The following LDAH variants were observed in gnomAD, a reference collection of about 807,000 sequenced individuals.
The protein encoded by LDAH is lipid droplet associated hydrolase.
LDAH carries 26 observed loss-of-function variants against 29.6 expected under a neutral mutation model. The observed-to-expected ratio is 0.88, with a 90% confidence interval of 0.64 to 1.22. The LOEUF (loss-of-function observed/expected upper bound fraction) is 1.22. LDAH is among the 50% of genes most tolerant of loss of function. The probability of loss-of-function intolerance (pLI) is 0.00; values close to 1 mark genes in which losing one functional copy is unlikely to be tolerated. For missense variants in LDAH, 344 were observed against 387.3 expected, an observed-to-expected ratio of 0.89 and a Z score of 0.94; for synonymous variants, 117 against 133.0, an observed-to-expected ratio of 0.88 and a Z score of 0.83.
At chr2:20,761,401 A>G (rs1668679641) in intron 4 of LDAH, among the ~76,000 whole-genome samples, 8 of 152,070 alleles carry the variant, frequency 5.3e-5, no homozygotes, top group Admixed American at 5.2e-4. Context: ...AAAAAATTAC[A>G]CTTAAGCTAC....
chr2:20,817,675 A>T (rs970552475), intron 1 of LDAH, among the ~76,000 whole-genome samples: 1 of 152,140 alleles, frequency 6.6e-6, no homozygotes. Context: ...TTTATCCCAG[A>T]GGGGGAAAAA....
chr2:20,816,814 C>T (rs1407806197), intron 1 of LDAH, among the ~76,000 whole-genome samples: 1 of 151,546 alleles, frequency 6.6e-6, no homozygotes, highest in South Asian at 2.1e-4. Context: ...CAAGATACAC[C>T]ATACCCTCAG....
At chr2:20,726,558 A>C (rs895863828) in intron 5 of LDAH, among the ~76,000 whole-genome samples, 1 of 152,222 alleles carries the variant, frequency 6.6e-6, no homozygotes, top group South Asian at 2.1e-4. Flanking sequence ...CCTTCTTCCA[A>C]GGGAAAATTC....
At chr2:20,799,857 G>A (rs78505832) in intron 2 of LDAH, among the ~76,000 whole-genome samples, 2,428 of 152,050 alleles carry the variant, frequency 0.016, 31 homozygotes, top group Non-Finnish European at 0.025. Flanking sequence ...GAATAAAAAT[G>A]AACAAGTTCC....
chr2:20,752,750 A>C (rs1264446033), intron 4 of LDAH, among the ~76,000 whole-genome samples: 1 of 152,242 alleles, frequency 6.6e-6, no homozygotes, highest in East Asian at 1.9e-4. Flanking sequence ...CACTGGGCTG[A>C]AATAAAGATG....
chr2:20,735,775 T>C (rs1666730951), intron 5 of LDAH, among the ~76,000 whole-genome samples: 1 of 152,182 alleles, frequency 6.6e-6, no homozygotes, highest in South Asian at 2.1e-4. Context: ...ATTTGACTTC[T>C]GTTGACACCC....
chr2:20,821,474 G>C (rs1000328522), intron 1 of LDAH, among the ~76,000 whole-genome samples: 9 of 152,160 alleles, frequency 5.9e-5, no homozygotes, highest in Non-Finnish European at 7.4e-5. Context: ...TAGGGACATG[G>C]ATGAAGCTGG....
intron 4 of LDAH, among the ~76,000 whole-genome samples, chr2:20,764,437 A>G (rs1411212540): frequency 1.3e-5 from 2 of 152,208 alleles, no homozygotes; most frequent in Non-Finnish European, 2.9e-5. Context: ...AGAATCCTCC[A>G]ATTTCCTTCA....
chr2:20,785,566 C>G (rs777889085), intron 3 of LDAH, among the ~76,000 whole-genome samples: 3 of 152,196 alleles, frequency 2.0e-5, no homozygotes, highest in Non-Finnish European at 4.4e-5. Context: ...ATTCCTAGAC[C>G]TGTGTTTTGT....
intron 3 of LDAH, among the ~76,000 whole-genome samples, chr2:20,784,874 G>A (rs1163074605): frequency 6.6e-6 from 1 of 151,982 alleles, no homozygotes; most frequent in Admixed American, 6.6e-5. Flanking sequence ...GCGAGAGAGT[G>A]AGACCCTGTC....
chr2:20,762,327 T>C (rs953674534), intron 4 of LDAH, among the ~76,000 whole-genome samples: 15 of 152,134 alleles, frequency 9.9e-5, no homozygotes, highest in Non-Finnish European at 4.4e-5. Context: ...ATGGAAATTA[T>C]TTTTTTCTGA....
chr2:20,709,559 A>G (rs547987530), intron 5 of LDAH, among the ~76,000 whole-genome samples: 11 of 152,192 alleles, frequency 7.2e-5, no homozygotes, highest in Non-Finnish European at 1.5e-4. Flanking sequence ...TGTTGTTAGA[A>G]TTATAAACTG....
chr2:20,780,112 T>C (rs1198425284), intron 3 of LDAH, among the ~76,000 whole-genome samples: 3 of 152,180 alleles, frequency 2.0e-5, no homozygotes, highest in Admixed American at 2.0e-4. Context: ...ATCTAAACAC[T>C]GGTACAACTC....
intron 2 of LDAH, among the ~76,000 whole-genome samples, chr2:20,796,012 A>G (rs542512797): frequency 6.6e-6 from 1 of 151,862 alleles, no homozygotes; most frequent in East Asian, 1.9e-4. Context: ...CCCACAAACT[A>G]ATGAGCAGGG....
chr2:20,807,254 T>A (rs968385348), intron 1 of LDAH, among the ~76,000 whole-genome samples: 2 of 152,054 alleles, frequency 1.3e-5, no homozygotes, highest in Non-Finnish European at 2.9e-5. Context: ...AAACTTATAT[T>A]TTAAGACAAA....
chr2:20,752,692 A>G (rs1236033427), intron 4 of LDAH, among the ~76,000 whole-genome samples: 1 of 152,228 alleles, frequency 6.6e-6, no homozygotes, highest in African/African-American at 2.4e-5. Context: ...GGGTGGCTTC[A>G]AATAACAAAA....
chr2:20,817,542 G>C (rs892460367), intron 1 of LDAH, among the ~76,000 whole-genome samples: 5 of 152,100 alleles, frequency 3.3e-5, no homozygotes, highest in Admixed American at 2.0e-4. Flanking sequence ...AACCAAGTGA[G>C]ATTTATACCA....
chr2:20,806,912 T>C (rs958444783), intron 1 of LDAH, among the ~76,000 whole-genome samples: 1 of 150,422 alleles, frequency 6.6e-6, no homozygotes, highest in Non-Finnish European at 1.5e-5. Context: ...ATAAAGAAAA[T>C]AGAAAAAAGA....
At chr2:20,782,777 G>A (rs1310600763) in intron 3 of LDAH, among the ~76,000 whole-genome samples, 1 of 151,710 alleles carries the variant, frequency 6.6e-6, no homozygotes, top group African/African-American at 2.4e-5. Context: ...ACTAGCTTTT[G>A]GTTTGTTGAT....
Sources: allele counts gnomAD v4.1 joint callset (sites outside exome capture counted in the v4.1 genomes callset), GRCh38; gene constraint gnomAD v4.1.1; transcripts MANE v1.5; gene names NCBI Gene and HGNC (gene_info 2026-07-23, HGNC 2026-07-21).